TNS1: variants seen among roughly 807,000 people sequenced by gnomAD.
TNS1 encodes tensin-1.
A neutral mutation model predicts 168.6 loss-of-function variants in TNS1; 62 were observed. That is an observed-to-expected ratio of 0.37 (90% CI 0.30 to 0.45). The LOEUF (loss-of-function observed/expected upper bound fraction) is 0.45, where lower values mean the gene tolerates loss of function less well. Among genes scored for constraint, TNS1 ranks in the 20% least tolerant of loss-of-function variants. The pLI is 1.00. For missense variants in TNS1, 2,240 were observed against 2,339.4 expected, an observed-to-expected ratio of 0.96 and a Z score of 0.88; for synonymous variants, 934 against 933.2, an observed-to-expected ratio of 1.00 and a Z score of -0.02.
At chr2:217,855,790 C>T (rs982843408) in intron 18 of TNS1, among the ~76,000 whole-genome samples, 2 of 152,184 alleles carry the variant, frequency 1.3e-5, no homozygotes, top group African/African-American at 4.8e-5. Context: ...TCTTTCACCA[C>T]CACCCAGTGA....
intron 22 of TNS1, chr2:217,829,744 G>T: frequency 1.4e-6 from 2 of 1,422,670 alleles, no homozygotes; most frequent in Non-Finnish European, 2.0e-6. Context: ...CTGAGTCCCA[G>T]TGAGGAAAGA....
At chr2:217,976,951 C>T (rs540963711) in intron 3 of TNS1, among the ~76,000 whole-genome samples, 2 of 152,346 alleles carry the variant, frequency 1.3e-5, no homozygotes, top group East Asian at 3.9e-4. Context: ...TGAAGAATTA[C>T]ACCGGGACAC....
intron 3 of TNS1, among the ~76,000 whole-genome samples, chr2:217,947,970 A>C (rs910523932): frequency 6.6e-6 from 1 of 152,252 alleles, no homozygotes; most frequent in African/African-American, 2.4e-5. Context: ...AGATGGGCTC[A>C]GAGCAGTGAA....
chr2:217,997,576 C>A (rs1478431218), intron 1 of TNS1, among the ~76,000 whole-genome samples: 1 of 152,174 alleles, frequency 6.6e-6, no homozygotes, highest in African/African-American at 2.4e-5. Flanking sequence ...ACCTTAGTGT[C>A]CCCTGCTTTT....
chr2:217,900,674 G>A lies in TNS1; in HGVS notation c.322-162C>T, dbSNP rs1340483942. 7 of 744,340 alleles carry A rather than the reference G, an allele frequency of 9.4e-6. No homozygotes were observed. In the East Asian group the frequency reaches 1.4e-4, roughly 15 times the overall value. 46.1% of individuals were successfully genotyped at this position (744,340 alleles called of 1,614,324 possible). On this transcript the variant is annotated intron_variant, in intron 6 of 32. Transcript: ENST00000682258. The stretch of plus-strand genomic sequence containing the variant: ...CCTGCAAAAACACAGCCTGCCCGAA[G>A]CCAAAGCCATCAACACTGATTCCAC...
At chr2:218,004,611 T>A (rs1014963714), upstream of TNS1, among the ~76,000 whole-genome samples, 1 of 152,216 alleles carries the variant, frequency 6.6e-6, no homozygotes, top group Non-Finnish European at 1.5e-5. Context: ...GGACTAACCA[T>A]CTATTGTTTG....
chr2:217,844,864 T>C (rs1946432301), intron 19 of TNS1, among the ~76,000 whole-genome samples: 1 of 152,212 alleles, frequency 6.6e-6, no homozygotes, highest in Admixed American at 6.5e-5. Flanking sequence ...ATAAGATAAC[T>C]CAGTTGGACT....
intron 3 of TNS1, among the ~76,000 whole-genome samples, chr2:217,972,571 G>T (rs900948174): frequency 1.3e-5 from 2 of 152,194 alleles, no homozygotes; most frequent in Non-Finnish European, 2.9e-5. Flanking sequence ...TCCTCCCTCC[G>T]CCTCAGTTGG....
intron 3 of TNS1, among the ~76,000 whole-genome samples, chr2:217,962,918 G>A (rs937009515): frequency 6.6e-6 from 1 of 152,176 alleles, no homozygotes; most frequent in Non-Finnish European, 1.5e-5. Context: ...TCAGATTAAC[G>A]TCAGATCAAT....
intron 22 of TNS1, among the ~76,000 whole-genome samples, chr2:217,829,656 C>A (rs528293633): frequency 1.3e-5 from 2 of 152,192 alleles, no homozygotes; most frequent in Non-Finnish European, 2.9e-5. Flanking sequence ...CAAGCTCCCC[C>A]ATCAGGACTC....
At chr2:217,863,211 A>C (rs1948953282) in intron 18 of TNS1, among the ~76,000 whole-genome samples, 2 of 152,216 alleles carry the variant, frequency 1.3e-5, no homozygotes, top group South Asian at 4.1e-4. Context: ...GAAACAGAAC[A>C]GAGTGTCTCC....
At chr2:217,941,909 G>C (rs916049729) in intron 3 of TNS1, among the ~76,000 whole-genome samples, 2 of 152,134 alleles carry the variant, frequency 1.3e-5, no homozygotes, top group Non-Finnish European at 1.5e-5. Context: ...GCTCCTATCT[G>C]GGTAGAAACA....
rs200274568 is a variant in TNS1 at position 217,830,326 on chromosome 2, G to A, written c.3373+1129C>T. On this transcript the variant is annotated intron_variant, in intron 22 of 32. Transcript: ENST00000682258. ...TGAGTGGGAGGCTATGCCCAGCTGC[G>A]TGGCTTCATGGGTCACAAATGCATG... 1.0e-4 allele frequency: 166 copies of A among 1,613,490 alleles called. No homozygotes were observed. In the East Asian group the frequency reaches 2.9e-3, roughly 28 times the overall value.
chr2:217,898,120 C>T (rs1952520789), intron 7 of TNS1, among the ~76,000 whole-genome samples, 151 bp from the exon 8 acceptor site: 1 of 152,226 alleles, frequency 6.6e-6, no homozygotes, highest in Admixed American at 6.5e-5. Flanking sequence ...AGGCCACAGG[C>T]TTCCTCTGGC....
At chr2:218,010,724 G>A (rs965230200), upstream of TNS1, among the ~76,000 whole-genome samples, 2 of 152,120 alleles carry the variant, frequency 1.3e-5, no homozygotes, top group African/African-American at 4.8e-5. Context: ...GCTCCTGGCT[G>A]CAGTGAGGGT....
intron 18 of TNS1, among the ~76,000 whole-genome samples, chr2:217,870,285 C>A (rs1187029490): frequency 2.0e-5 from 3 of 152,190 alleles, no homozygotes; most frequent in African/African-American, 7.2e-5. Flanking sequence ...CCAGACAACC[C>A]CAGGGCACAG....
intron 1 of TNS1, among the ~76,000 whole-genome samples, chr2:218,016,571 A>G (rs1353894044): frequency 6.6e-6 from 1 of 152,196 alleles, no homozygotes; most frequent in East Asian, 1.9e-4. Context: ...TGCCCCACTC[A>G]GCCCGGGGCC....
chr2:217,970,069 C>G (rs1957741131), intron 3 of TNS1, among the ~76,000 whole-genome samples: 1 of 152,054 alleles, frequency 6.6e-6, no homozygotes, highest in Non-Finnish European at 1.5e-5. Flanking sequence ...CACAGGTAGG[C>G]CACCACGTGA....
At chr2:217,918,293 C>T (rs1237683139) in intron 4 of TNS1, among the ~76,000 whole-genome samples, 9 of 152,160 alleles carry the variant, frequency 5.9e-5, no homozygotes, top group African/African-American at 1.9e-4. Flanking sequence ...CACCAGGGAG[C>T]GGGGGAGCTG....
Sources: gnomAD v4.1 joint callset for allele counts (sites outside exome capture counted in the v4.1 genomes callset) on GRCh38, gnomAD v4.1.1 for gene constraint, MANE v1.5 for transcripts, NCBI Gene and HGNC (gene_info 2026-07-23, HGNC 2026-07-21) for gene names.